Variants in UGGT2 observed in about 807,000 individuals in gnomAD.
The protein encoded by UGGT2 is UDP-glucose glycoprotein glucosyltransferase 2, also known as UDP-glucose:glycoprotein glucosyltransferase 2.
Under a neutral mutation model 192.1 loss-of-function variants are expected in UGGT2, and 180 were observed. The observed-to-expected ratio is 0.94, with a 90% CI of 0.83 to 1.06. The LOEUF is 1.06. Among genes scored for constraint, UGGT2 ranks in the 50% least tolerant of loss-of-function variants. The pLI is 0.00. For synonymous variants in UGGT2, 580 were observed against 591.0 expected, an observed-to-expected ratio of 0.98 and a Z score of 0.27; for missense variants, 1,849 against 1,795.7, an observed-to-expected ratio of 1.03 and a Z score of -0.54.
intron 38 of UGGT2, among the ~76,000 whole-genome samples, chr13:95,822,526 T>G (rs1256320585): frequency 6.6e-6 from 1 of 151,988 alleles, no homozygotes; most frequent in African/African-American, 2.4e-5. Flanking sequence ...CTTTGTTATG[T>G]CCTTTATTTC....
At position 95,837,790 on chromosome 13, in the gene UGGT2, C is replaced by T. The variant is rs188465630; in HGVS notation, c.4285-588G>A. Among the ~76,000 whole-genome samples, 474 of 152,258 alleles carry T rather than the reference C, an allele frequency of 3.1e-3. 2 individuals are homozygous for T. Among genetic ancestry groups the T allele is most frequent in the African/African-American group, 0.011 (452 of 41,552 alleles). On this transcript the variant is annotated intron_variant, in intron 36 of 38. Coordinates refer to ENST00000376747, the MANE Select transcript of UGGT2 (RefSeq NM_020121.4). ...TATATTCCAGGGGTGGAGTCCTTCC[C>T]TTCCTTTCCCTATAGAAGATCTGCT...
intron 5 of UGGT2, among the ~76,000 whole-genome samples, chr13:96,000,699 T>G (rs1459640322): frequency 6.6e-6 from 1 of 152,188 alleles, no homozygotes; most frequent in Non-Finnish European, 1.5e-5. Context: ...CATAGCCAAT[T>G]TCCATTATCA....
At chr13:95,957,929 A>T (rs1004103192) in intron 12 of UGGT2, among the ~76,000 whole-genome samples, 7 of 152,218 alleles carry the variant, frequency 4.6e-5, no homozygotes, top group Non-Finnish European at 8.8e-5. Context: ...TGCTATTGAG[A>T]TTAAAGACAA....
rs67003679 is a variant in UGGT2, at chr13:95,923,368, C to CTT, written c.2295+2310_2295+2311dup. ...GCCACCATGCCTGGCTCAGCATATT[C>CTT]TTTTTTTTTTTTTTTTTTGAGATGG... On this transcript the variant is annotated intron_variant, in intron 20 of 38. Transcript: ENST00000376747. Among the ~76,000 whole-genome samples the CTT allele has an allele frequency of 5.5e-3, 658 of 119,610 alleles. 16 individuals are homozygous for CTT. The highest frequency in any genetic ancestry group is 6.3e-3 in the Non-Finnish European group (368 of 58,496). The allele number at this position is 119,610 out of a possible 152,430, so 78.5% of individuals were successfully genotyped here.
intron 17 of UGGT2, among the ~76,000 whole-genome samples, chr13:95,930,264 A>C (rs2049202713): frequency 6.6e-6 from 1 of 151,940 alleles, no homozygotes; most frequent in African/African-American, 2.4e-5. Flanking sequence ...TGTACTCTTT[A>C]ATTAATTAGG....
In UGGT2 at chr13:95,900,953, A is replaced by G; in HGVS notation, c.2503-15T>C. On this transcript the variant is annotated splice_polypyrimidine_tract_variant and intron_variant, in intron 21 of 38. Transcript: ENST00000376747. ...TTATCCATCCCCTAAAGCAAAAGTT[A>G]AGACTGATGAAACTAATATGAGAAC... 1 of 1,534,370 alleles carries G rather than the reference A, an allele frequency of 6.5e-7. No homozygotes were observed. Among genetic ancestry groups the G allele is most frequent in the Non-Finnish European group, 8.7e-7 (1 of 1,145,694 alleles).
At chr13:96,015,007 G>A (rs1032273903) in intron 4 of UGGT2, among the ~76,000 whole-genome samples, 4 of 152,026 alleles carry the variant, frequency 2.6e-5, no homozygotes, top group East Asian at 1.9e-4. Context: ...GGCCAGGCGC[G>A]GTGGCTCAGG....
rs71211702 is a variant in UGGT2 at position 96,026,659 on chromosome 13, C to CTTTTT, written c.242-2905_242-2901dup. 4.0e-3 allele frequency among the ~76,000 whole-genome samples: 409 copies of CTTTTT among 101,498 alleles called. 1 individual carries two copies. Among genetic ancestry groups the CTTTTT allele is most frequent in the African/African-American group, 5.0e-3 (139 of 27,622 alleles). The allele number at this position is 101,498 out of a possible 152,430, so 66.6% of individuals were successfully genotyped here. A position where few individuals can be genotyped will look rare whatever the true frequency, so the allele number is the denominator to read the frequency against. On this transcript the variant is annotated intron_variant, in intron 2 of 38. Coordinates refer to ENST00000376747, the MANE Select transcript of UGGT2 (RefSeq NM_020121.4). ...AATAAGCATTGCCTCTTTCACTCTT[C>CTTTTT]TTTTTTTTTTTTTTTTTTTTTTTGA...
rs2052235998 is a variant in UGGT2, at chr13:96,013,618, T to C, written c.486-137A>G. 3 of 571,914 alleles carry C rather than the reference T, an allele frequency of 5.2e-6. No individual in the cohort carries two copies. In the African/African-American group the frequency reaches 5.8e-5, roughly 11 times the overall value. 35.4% of individuals were successfully genotyped at this position (571,914 alleles called of 1,614,324 possible). ...AGAATTTAAATTTCCTGTGATGACT[T>C]TGTACACATAACTTGAACTAAATGA... On this transcript the variant is annotated intron_variant, in intron 4 of 38. Transcript: ENST00000376747.
intron 20 of UGGT2, among the ~76,000 whole-genome samples, chr13:95,916,225 C>G (rs550930537): frequency 6.6e-6 from 1 of 152,304 alleles, no homozygotes; most frequent in East Asian, 1.9e-4. Context: ...TGTTTCACAG[C>G]CTTCACTGGT....
intron 20 of UGGT2, among the ~76,000 whole-genome samples, chr13:95,915,871 C>T (rs939757818): frequency 2.6e-5 from 4 of 152,178 alleles, no homozygotes; most frequent in South Asian, 2.1e-4. Flanking sequence ...CCACACCAGC[C>T]AGGATTATAA....
At chr13:95,848,006 T>C (rs929539617) in intron 36 of UGGT2, among the ~76,000 whole-genome samples, 1 of 152,224 alleles carries the variant, frequency 6.6e-6, no homozygotes, top group African/African-American at 2.4e-5. Context: ...TCCTAATAGG[T>C]GTGTGGTGTT....
intron 1 of UGGT2, among the ~76,000 whole-genome samples, chr13:96,052,590 T>C (rs2053517132): frequency 6.6e-6 from 1 of 152,220 alleles, no homozygotes; most frequent in Admixed American, 6.5e-5. Context: ...GGTGTAAAAC[T>C]TCATTTTTGC....
At chr13:96,038,888 T>C (rs1182957561) in intron 1 of UGGT2, among the ~76,000 whole-genome samples, 1 of 152,174 alleles carries the variant, frequency 6.6e-6, no homozygotes, top group Non-Finnish European at 1.5e-5. Context: ...AATTTTATCA[T>C]CTAAATCATG....
Position 95,801,737 on chromosome 13 carries a change from C to T in UGGT2, c.*53G>A. On this transcript the variant is annotated 3_prime_UTR_variant, in exon 39 of 39. Transcript: ENST00000376747. ...CAGCAGGGGCTCCAGACTTCCCCAG[C>T]AGGCGGCAGGTTTCCTGTCATGCTT... 1.9e-6 allele frequency: 3 copies of T among 1,599,320 alleles called. No homozygotes were observed. Among genetic ancestry groups the T allele is most frequent in the Non-Finnish European group, 2.6e-6 (3 of 1,172,544 alleles).
At chr13:95,898,891 A>G (rs897204901) in intron 22 of UGGT2, among the ~76,000 whole-genome samples, 2 of 152,176 alleles carry the variant, frequency 1.3e-5, no homozygotes, top group Non-Finnish European at 2.9e-5. Flanking sequence ...TAGATTTCTG[A>G]GATTATATAG....
intron 38 of UGGT2, chr13:95,809,405 T>G: frequency 2.5e-6 from 1 of 396,512 alleles, no homozygotes; most frequent in South Asian, 1.9e-5. Context: ...TTTACTTTCT[T>G]GATTAGCCAC....
At chr13:96,007,094 C>A (rs2052004421) in intron 5 of UGGT2, among the ~76,000 whole-genome samples, 1 of 152,136 alleles carries the variant, frequency 6.6e-6, no homozygotes, top group Non-Finnish European at 1.5e-5. Flanking sequence ...AGATCATGCA[C>A]CATGATCAAG....
At chr13:95,878,803 A>C (rs1353735528) in intron 27 of UGGT2, among the ~76,000 whole-genome samples, 1 of 152,218 alleles carries the variant, frequency 6.6e-6, no homozygotes, top group Non-Finnish European at 1.5e-5. Flanking sequence ...GACTGCAATT[A>C]TCTCAGAAAT....
Sources: gnomAD v4.1 joint callset for allele counts (sites outside exome capture counted in the v4.1 genomes callset) on GRCh38, gnomAD v4.1.1 for gene constraint, MANE v1.5 for transcripts, NCBI Gene and HGNC (gene_info 2026-07-23, HGNC 2026-07-21) for gene names.